The following SEMA3E variants were observed in gnomAD, a reference collection of about 807,000 sequenced individuals.
SEMA3E encodes semaphorin 3E.
In SEMA3E, 49 loss-of-function variants were observed where a neutral mutation model predicts 93.6. The observed-to-expected ratio is 0.52, with a 90% confidence interval of 0.42 to 0.66. The LOEUF is 0.66. Ranked by LOEUF, SEMA3E falls within the 30% of genes least tolerant of loss-of-function variation. The pLI, the probability that SEMA3E is intolerant of heterozygous loss-of-function variation, is 0.00. For missense variants in SEMA3E, 906 were observed against 964.8 expected (o/e 0.94, Z 0.81); for synonymous variants, 363 against 330.7 (o/e 1.10, Z -1.06).
intron 3 of SEMA3E, 141 bp downstream of exon 3, chr7:83,469,102 A>T (rs1789836446): frequency 6.5e-6 from 4 of 618,690 alleles, no homozygotes; most frequent in Middle Eastern, 7.9e-4. Flanking sequence ...TATGTTTTAT[A>T]TGCCTATATA....
At chr7:83,556,698 A>G (rs1791902275) in intron 1 of SEMA3E, among the ~76,000 whole-genome samples, 1 of 152,206 alleles carries the variant, frequency 6.6e-6, no homozygotes, top group Non-Finnish European at 1.5e-5. Context: ...GAATTAGTTT[A>G]CTGCTACAGC....
intron 1 of SEMA3E, among the ~76,000 whole-genome samples, chr7:83,590,398 T>C (rs1792734499): frequency 2.0e-5 from 3 of 152,178 alleles, no homozygotes; most frequent in African/African-American, 7.2e-5. Context: ...ATTTGATGAC[T>C]ATTGGAAATA....
chr7:83,396,487 A>G (rs1047843387), intron 12 of SEMA3E, 151 bp downstream of exon 12: 15 of 584,136 alleles, frequency 2.6e-5, no homozygotes, highest in Non-Finnish European at 1.2e-5. Flanking sequence ...AAACAGATGC[A>G]TTAGAATTTG....
At chr7:83,543,358 C>CTTTT (rs72053273) in intron 1 of SEMA3E, among the ~76,000 whole-genome samples, 32,370 of 150,832 alleles carry the variant, frequency 0.21, 3,593 homozygotes, top group East Asian at 0.39. Flanking sequence ...ACTGAATGAA[C>CTTTT]TTTTTTTTTA....
At chr7:83,394,456 T>C in intron 12 of SEMA3E, 118 bp from the exon 13 acceptor site, 1 of 802,702 alleles carries the variant, frequency 1.2e-6, no homozygotes, top group Non-Finnish European at 2.0e-6. Context: ...TTAAGTACTG[T>C]ATAGCTTTCA....
intron 1 of SEMA3E, among the ~76,000 whole-genome samples, chr7:83,506,756 G>A (rs979979289): frequency 6.6e-6 from 1 of 152,112 alleles, no homozygotes; most frequent in African/African-American, 2.4e-5. Context: ...GTTGGCAAAT[G>A]TGAACACCTT....
chr7:83,378,569 A>C (rs1787708631), intron 16 of SEMA3E, among the ~76,000 whole-genome samples: 1 of 151,932 alleles, frequency 6.6e-6, no homozygotes, highest in South Asian at 2.1e-4. Flanking sequence ...TTCATCACTT[A>C]ACCTGTTATT....
chr7:83,419,039 C>T (rs1007279846), intron 4 of SEMA3E, among the ~76,000 whole-genome samples: 4 of 151,750 alleles, frequency 2.6e-5, no homozygotes, highest in Non-Finnish European at 4.4e-5. Context: ...TCAGCCCCTG[C>T]CCCCCTACGT....
intron 1 of SEMA3E, among the ~76,000 whole-genome samples, chr7:83,532,030 G>A (rs1224012247): frequency 2.6e-5 from 4 of 152,158 alleles, no homozygotes; most frequent in Non-Finnish European, 5.9e-5. Context: ...AAGTTAGCAT[G>A]CATTGCTGAC....
intron 4 of SEMA3E, among the ~76,000 whole-genome samples, chr7:83,419,380 C>T (rs1234840016): frequency 6.6e-6 from 1 of 152,094 alleles, no homozygotes; most frequent in Non-Finnish European, 1.5e-5. Context: ...AGTAGAGGAG[C>T]TCAAAATATT....
chr7:83,548,951 A>G, intron 1 of SEMA3E, among the ~76,000 whole-genome samples: 1 of 152,122 alleles, frequency 6.6e-6, no homozygotes, highest in Non-Finnish European at 1.5e-5. Context: ...TCCAGGAAGA[A>G]GTCGAGCAAC....
chr7:83,447,575 A>T (rs909648511), intron 4 of SEMA3E, among the ~76,000 whole-genome samples: 1 of 152,158 alleles, frequency 6.6e-6, no homozygotes, highest in Non-Finnish European at 1.5e-5. Context: ...AACATTTTTC[A>T]TCTTAGAAGA....
intron 4 of SEMA3E, among the ~76,000 whole-genome samples, chr7:83,459,619 T>C: frequency 6.6e-6 from 1 of 152,090 alleles, no homozygotes; most frequent in African/African-American, 2.4e-5. Flanking sequence ...GTATTTTGGA[T>C]GTTAGTTAAT....
chr7:83,405,333 G>C (rs1015799580), intron 9 of SEMA3E, 117 bp downstream of exon 9: 2 of 744,890 alleles, frequency 2.7e-6, no homozygotes, highest in African/African-American at 3.5e-5. Context: ...ATAAAGTGTA[G>C]AAAATGAGAA....
chr7:83,530,789 A>C (rs1002864095), intron 1 of SEMA3E, among the ~76,000 whole-genome samples: 4 of 152,068 alleles, frequency 2.6e-5, no homozygotes, highest in Non-Finnish European at 5.9e-5. Flanking sequence ...GAGGCAGGAG[A>C]ATCACTTGAA....
chr7:83,559,109 C>T (rs946968422), intron 1 of SEMA3E, among the ~76,000 whole-genome samples: 1 of 152,000 alleles, frequency 6.6e-6, no homozygotes, highest in Admixed American at 6.6e-5. Context: ...TTTGATGTAG[C>T]AGGAACAGTA....
chr7:83,569,080 A>C (rs1562836373), intron 1 of SEMA3E, among the ~76,000 whole-genome samples: 1 of 152,098 alleles, frequency 6.6e-6, no homozygotes, highest in African/African-American at 2.4e-5. Flanking sequence ...TAGCATTTCT[A>C]TATACCAATA....
chr7:83,645,922 A>C (rs934636520), intron 1 of SEMA3E, among the ~76,000 whole-genome samples: 2 of 152,040 alleles, frequency 1.3e-5, no homozygotes, highest in East Asian at 1.9e-4. Flanking sequence ...TGTATATGAT[A>C]AACTTTCTCC....
At chr7:83,471,323 A>T (rs1319785810) in intron 2 of SEMA3E, among the ~76,000 whole-genome samples, 45 of 15,272 alleles carry the variant, frequency 2.9e-3, no homozygotes, top group African/African-American at 5.0e-3. Context: ...TTAAAACATT[A>T]AAAAAAAAGT....
Sources: allele counts gnomAD v4.1 joint callset (sites outside exome capture counted in the v4.1 genomes callset), GRCh38; gene constraint gnomAD v4.1.1; transcripts MANE v1.5; gene names NCBI Gene and HGNC (gene_info 2026-07-23, HGNC 2026-07-21).